ATAT1: variants seen among roughly 807,000 people sequenced by gnomAD.
ATAT1 encodes the protein alpha tubulin acetyltransferase 1.
In ATAT1, 42 loss-of-function variants were observed where a neutral mutation model predicts 57.2. The ratio of observed to expected loss-of-function variants is 0.73; its 90% CI spans 0.57 to 0.95. ATAT1 has a LOEUF of 0.95. Ranked by LOEUF, ATAT1 falls within the 40% of genes least tolerant of loss-of-function variation. The probability of loss-of-function intolerance (pLI) is 0.00; values close to 1 mark genes in which losing one functional copy is unlikely to be tolerated. For missense variants in ATAT1, 454 were observed against 523.7 expected (o/e 0.87, Z 1.30); for synonymous variants, 168 against 187.1 (o/e 0.90, Z 0.83).
intron 6 of ATAT1, among the ~76,000 whole-genome samples, chr6:30,629,846 T>G (rs1762476585): frequency 1.3e-5 from 2 of 152,276 alleles, no homozygotes; most frequent in South Asian, 4.1e-4. Context: ...GCCCGACCCC[T>G]TATGACTAAT....
chr6:30,645,064 C>T (rs1766401069), intron 10 of ATAT1, among the ~76,000 whole-genome samples: 1 of 152,144 alleles, frequency 6.6e-6, no homozygotes, highest in Non-Finnish European at 1.5e-5. Flanking sequence ...CTGACGTCTG[C>T]TCCACTAAAC....
At chr6:30,637,919 T>C (rs1227594420) in intron 6 of ATAT1, among the ~76,000 whole-genome samples, 1 of 152,136 alleles carries the variant, frequency 6.6e-6, no homozygotes, top group Admixed American at 6.5e-5. Flanking sequence ...GAGGTTGCAG[T>C]GAGCTGAGAT....
In ATAT1 at chr6:30,642,833, G is replaced by GTGCC; in HGVS notation, c.754_755insTGCC (p.Ala252ValfsTer49). 1 of 1,537,878 alleles carries GTGCC rather than the reference G, an allele frequency of 6.5e-7. No individual in the cohort carries two copies. Among genetic ancestry groups the GTGCC allele is most frequent in the Non-Finnish European group, 8.7e-7 (1 of 1,145,784 alleles). On this transcript the variant is annotated frameshift_variant, in exon 10 of 13. Transcript: ENST00000330083. LOFTEE classifies it high-confidence loss of function. ...GGCCCCTCGCCGCGCCACACCTCCA[G>GTGCC]CCCACCCACCCCCCCGCTCCAGCAG...
In ATAT1 at chr6:30,646,588, T is replaced by C; in HGVS notation, c.1175T>C (p.Leu392Pro). 6.3e-7 allele frequency: 1 copy of C among 1,578,310 alleles called. No homozygotes were observed. Among genetic ancestry groups the C allele is most frequent in the South Asian group, 1.2e-5 (1 of 86,178 alleles). The stretch of plus-strand genomic sequence containing the variant: ...TCCTGGACAGTGGGTGGGGACATAC[T>C]CAACGCCAGGTTCATTCGAAACCTG... The change falls in exon 13 of 13, where the codon CTC becomes CCC. Residue 392 changes from leucine to proline, a missense_variant. This residue lies in a region of ATAT1 where 216 missense variants were observed against 222.2 expected (regional missense o/e 0.97). Transcript: ENST00000330083.
Position 30,640,573 on chromosome 6 carries a change from C to G in ATAT1, c.586C>G (p.Arg196Gly), listed in dbSNP as rs1401047783. The stretch of plus-strand genomic sequence containing the variant: ...CTCTCTGAGGGCAACTCGACACTCT[C>G]GTGCTGCTGCAGTCGATCCCACGCC... The change falls in exon 8 of 13, where the codon CGT (arginine) becomes GGT (glycine). Residue 196 changes from arginine to glycine, a missense_variant. This residue lies in a region of ATAT1 where 236 missense variants were observed against 284.5 expected (regional missense o/e 0.83). Coordinates refer to ENST00000330083, the MANE Select transcript of ATAT1 (RefSeq NM_001031722.4). 1.9e-6 allele frequency: 3 copies of G among 1,612,894 alleles called. No homozygotes were observed. The highest frequency in any genetic ancestry group is 1.3e-5 in the African/African-American group (1 of 74,920).
intron 10 of ATAT1, chr6:30,643,712 G>C: frequency 6.9e-7 from 1 of 1,445,658 alleles, no homozygotes; most frequent in African/African-American, 1.4e-5. Flanking sequence ...TTAGACAGCA[G>C]GGATGTCAGG....
Position 30,642,833 on chromosome 6 carries a change from G to GGGCGGCCCCCCCCCCCCCC in ATAT1, c.754_755insGGCGGCCCCCCCCCCCCCC (p.Ala252GlyfsTer54). Reference sequence around the variant, plus strand: ...GGCCCCTCGCCGCGCCACACCTCCAGCCCACCCACCCCCCCGCTCCAGCAG... The same window carrying GGGCGGCCCCCCCCCCCCCC: ...GGCCCCTCGCCGCGCCACACCTCCAGGGCGGCCCCCCCCCCCCCCCCCACCCACCCCCCCGCTCCAGCAG... On this transcript the variant is annotated frameshift_variant, in exon 10 of 13. Transcript: ENST00000330083. LOFTEE classifies it high-confidence loss of function. 1 of 1,537,878 alleles carries GGGCGGCCCCCCCCCCCCCC rather than the reference G, an allele frequency of 6.5e-7. No individual in the cohort carries two copies. The highest frequency in any genetic ancestry group is 8.7e-7 in the Non-Finnish European group (1 of 1,145,784).
intron 8 of ATAT1, among the ~76,000 whole-genome samples, chr6:30,641,305 C>G (rs1765387168): frequency 6.6e-6 from 1 of 152,168 alleles, no homozygotes; most frequent in African/African-American, 2.4e-5. Context: ...CAGTCTGTAA[C>G]CAGCTATGAG....
At chr6:30,631,544 C>T (rs756264136) in intron 6 of ATAT1, among the ~76,000 whole-genome samples, 1 of 151,778 alleles carries the variant, frequency 6.6e-6, no homozygotes, top group East Asian at 1.9e-4. Flanking sequence ...TTAGGGAGGC[C>T]GAGGTGGGTG....
rs1761901213 is a variant in ATAT1, at chr6:30,627,358, G to A, written c.71+84G>A. 6.8e-6 allele frequency: 11 copies of A among 1,608,206 alleles called. No individual in the cohort carries two copies. In the South Asian group the frequency reaches 1.1e-4, roughly 16 times the overall value. On this transcript the variant is annotated intron_variant, in intron 1 of 12. Transcript: ENST00000330083. ...CAGGCAAAGGCAGGGAGCCTTCAGT[G>A]TTAAACCTGGGTTGGAGTTGTGGCC... is the stretch of plus-strand genomic sequence containing the variant.
chr6:30,634,345 G>A (rs1763553569), intron 6 of ATAT1, among the ~76,000 whole-genome samples: 1 of 151,874 alleles, frequency 6.6e-6, no homozygotes, highest in African/African-American at 2.4e-5. Context: ...CCACCTCCTG[G>A]GTTCAAGTGA....
Position 30,644,318 on chromosome 6 carries a change from C to A in ATAT1, c.932+1307C>A, listed in dbSNP as rs1364941507. 3.0e-6 allele frequency: 3 copies of A among 985,660 alleles called. No homozygotes were observed. In the African/African-American group the frequency reaches 5.2e-5, roughly 17 times the overall value. 61.1% of individuals were successfully genotyped at this position (985,660 alleles called of 1,614,324 possible). A position where few individuals can be genotyped will look rare whatever the true frequency, so the allele number is the denominator to read the frequency against. On this transcript the variant is annotated intron_variant, in intron 10 of 12. Transcript: ENST00000330083. Reference sequence around the variant, plus strand: ...AAGGATCTGTTAGATCCTGGAATCCCTTCTTGCATCCATCCCTCCCTGGTA... The same window carrying A: ...AAGGATCTGTTAGATCCTGGAATCCATTCTTGCATCCATCCCTCCCTGGTA...
chr6:30,640,308 C>A, intron 6 of ATAT1, 69 bp from the exon 7 acceptor site: 1 of 1,526,778 alleles, frequency 6.5e-7, no homozygotes, highest in East Asian at 2.3e-5. Context: ...CACCCAATGA[C>A]GTATTTCTCA....
chr6:30,627,570 G>T (rs1490922655), intron 2 of ATAT1, 50 bp downstream of exon 2: 1 of 1,605,702 alleles, frequency 6.2e-7, no homozygotes, highest in South Asian at 1.1e-5. Flanking sequence ...TGTGGGGATG[G>T]TATATAAGGG....
intron 6 of ATAT1, among the ~76,000 whole-genome samples, chr6:30,634,161 T>G (rs1005615490): frequency 2.0e-5 from 3 of 152,136 alleles, no homozygotes; most frequent in African/African-American, 4.8e-5. Flanking sequence ...GAACCAAAAC[T>G]TCCAAGGTCT....
chr6:30,627,854 T>A lies in ATAT1; in HGVS notation c.228T>A (p.Ala76=). The A allele has an allele frequency of 6.2e-7, 1 of 1,612,978 alleles. No individual in the cohort carries two copies. Among genetic ancestry groups the A allele is most frequent in the Non-Finnish European group, 8.5e-7 (1 of 1,179,984 alleles). The change falls in exon 4 of 13, where the codon GCT becomes GCA. Residue 76 remains alanine, a synonymous_variant. Coordinates refer to ENST00000330083, the MANE Select transcript of ATAT1 (RefSeq NM_001031722.4). The stretch of plus-strand genomic sequence containing the variant: ...CATTATTTTCCCCGTCCTACAGGGC[T>A]GGAAAAGGAGCCATTATTGGTTTCA...
intron 9 of ATAT1, 81 bp downstream of exon 9, chr6:30,642,328 G>C (rs1363329327): frequency 1.3e-6 from 2 of 1,582,268 alleles, no homozygotes; most frequent in African/African-American, 2.7e-5. Context: ...CCCAGGGAAA[G>C]GATTCGTTCT....
Position 30,642,833 on chromosome 6 carries a change from G to GGGGGCCCCCCCCCCCCCCCCC in ATAT1, c.754_755insGGGGCCCCCCCCCCCCCCCCC (p.Ala252delinsGlyGlyProProProProProPro). The GGGGGCCCCCCCCCCCCCCCCC allele has an allele frequency of 7.2e-6, 11 of 1,537,838 alleles. No individual in the cohort carries two copies. The highest frequency in any genetic ancestry group is 2.4e-5 in the East Asian group (1 of 42,458). ...GGCCCCTCGCCGCGCCACACCTCCA[G>GGGGGCCCCCCCCCCCCCCCCC]CCCACCCACCCCCCCGCTCCAGCAG... On this transcript the variant is annotated protein_altering_variant, in exon 10 of 13. Transcript: ENST00000330083.
At position 30,628,338 on chromosome 6, in the gene ATAT1, G is replaced by A. The variant is rs1465751469; in HGVS notation, c.409G>A (p.Val137Met). The stretch of plus-strand genomic sequence containing the variant: ...CTCCTTTTCCCTGCAGAAGGAGCGA[G>A]TGGAACCGCACCAACTGGCAATTGA... Residue 137 changes from valine (V) to methionine (M), a missense_variant, in exon 6 of 13, where the codon GTG (valine) becomes ATG (methionine). Transcript: ENST00000330083. The A allele has an allele frequency of 2.5e-6, 4 of 1,612,848 alleles. No homozygotes were observed. The highest frequency in any genetic ancestry group is 3.4e-6 in the Non-Finnish European group (4 of 1,180,024).
Sources: allele counts gnomAD v4.1 joint callset (sites outside exome capture counted in the v4.1 genomes callset), GRCh38; gene constraint gnomAD v4.1.1; regional missense constraint gnomAD v4.1.1; transcripts MANE v1.5; gene names NCBI Gene and HGNC (gene_info 2026-07-23, HGNC 2026-07-21).